The following EBF1 variants were observed in gnomAD, a reference collection of about 807,000 sequenced individuals.
The protein encoded by EBF1 is transcription factor COE1.
In EBF1, 10 loss-of-function variants were observed where a neutral mutation model predicts 68.4. That is an observed-to-expected ratio of 0.15 (90% CI 0.09 to 0.25). EBF1 has a LOEUF of 0.25. Among genes scored for constraint, EBF1 ranks in the 10% least tolerant of loss-of-function variants. EBF1 has a pLI of 1.00. For missense variants in EBF1, 509 were observed against 794.4 expected (o/e 0.64, Z 4.32); for synonymous variants, 298 against 299.8 (o/e 0.99, Z 0.06).
chr5:158,773,920 T>C (rs1002890361), intron 10 of EBF1, among the ~76,000 whole-genome samples: 1 of 152,192 alleles, frequency 6.6e-6, no homozygotes, highest in African/African-American at 2.4e-5. Flanking sequence ...TAATTCCCAC[T>C]GGACTGACCA....
At chr5:158,850,068 C>A (rs1432111437) in intron 6 of EBF1, among the ~76,000 whole-genome samples, 1 of 152,206 alleles carries the variant, frequency 6.6e-6, no homozygotes, top group Non-Finnish European at 1.5e-5. Context: ...GTGTCCTTAA[C>A]TTCCTACTTA....
At chr5:158,817,464 A>G (rs753299227) in intron 8 of EBF1, among the ~76,000 whole-genome samples, 4 of 152,136 alleles carry the variant, frequency 2.6e-5, no homozygotes, top group Non-Finnish European at 5.9e-5. Flanking sequence ...CTTCACCCAC[A>G]CTTGCTTGCC....
chr5:158,712,803 G>A (rs918119254), intron 13 of EBF1, among the ~76,000 whole-genome samples, 167 bp downstream of exon 13: 3 of 152,126 alleles, frequency 2.0e-5, no homozygotes, highest in Admixed American at 6.5e-5. Context: ...TAGATTACCC[G>A]AATGATAGCT....
At chr5:159,011,854 C>A (rs945311586) in intron 6 of EBF1, among the ~76,000 whole-genome samples, 2 of 152,164 alleles carry the variant, frequency 1.3e-5, no homozygotes, top group African/African-American at 2.4e-5. Context: ...GAAAATAAAT[C>A]TTGCGCTTTA....
chr5:158,899,758 G>A (rs1802895391), intron 6 of EBF1, among the ~76,000 whole-genome samples: 1 of 152,194 alleles, frequency 6.6e-6, no homozygotes, highest in Non-Finnish European at 1.5e-5. Flanking sequence ...AAAATGAAGA[G>A]ATATTGAATG....
At chr5:158,718,074 G>C (rs75985066) in intron 11 of EBF1, among the ~76,000 whole-genome samples, 1 of 152,318 alleles carries the variant, frequency 6.6e-6, no homozygotes, top group East Asian at 1.9e-4. Flanking sequence ...TAATAAAAAT[G>C]CTGAATGGGC....
chr5:158,951,704 CTGAT>C (rs1457366354), intron 6 of EBF1, among the ~76,000 whole-genome samples: 1 of 152,186 alleles, frequency 6.6e-6, no homozygotes, highest in African/African-American at 2.4e-5. Flanking sequence ...TGGTGATTCT[CTGAT>C]TGGGACCAAG....
intron 10 of EBF1, among the ~76,000 whole-genome samples, chr5:158,761,639 A>G (rs948160051): frequency 2.6e-5 from 4 of 152,242 alleles, no homozygotes; most frequent in Non-Finnish European, 5.9e-5. Flanking sequence ...AAAATAAAGT[A>G]AAATCATTTG....
intron 6 of EBF1, among the ~76,000 whole-genome samples, chr5:159,039,996 T>C (rs1028502559): frequency 6.6e-6 from 1 of 152,202 alleles, no homozygotes; most frequent in African/African-American, 2.4e-5. Flanking sequence ...TCAAATGTAA[T>C]ATTAACCATT....
intron 8 of EBF1, among the ~76,000 whole-genome samples, chr5:158,801,443 C>T (rs1393366820): frequency 6.6e-6 from 1 of 151,930 alleles, no homozygotes; most frequent in Admixed American, 6.6e-5. Context: ...CACATTTTAG[C>T]GTTTGTATGA....
intron 6 of EBF1, among the ~76,000 whole-genome samples, chr5:159,073,025 C>T (rs904354866): frequency 6.6e-6 from 1 of 152,208 alleles, no homozygotes; most frequent in South Asian, 2.1e-4. Context: ...ATGATTCAAA[C>T]ATTTTTCAAA....
At chr5:158,841,767 G>T (rs1379539817) in intron 6 of EBF1, among the ~76,000 whole-genome samples, 5 of 152,184 alleles carry the variant, frequency 3.3e-5, no homozygotes, top group African/African-American at 1.2e-4. Context: ...CTGCTCCTTG[G>T]TCTCTTAGAA....
intron 9 of EBF1, among the ~76,000 whole-genome samples, chr5:158,779,955 C>T (rs1776099243): frequency 6.6e-6 from 1 of 152,132 alleles, no homozygotes; most frequent in African/African-American, 2.4e-5. Flanking sequence ...TTCTAAACAA[C>T]AATCCTTCAC....
chr5:159,084,799 A>T, intron 4 of EBF1, 60 bp from the exon 5 acceptor site: 1 of 1,459,094 alleles, frequency 6.9e-7, no homozygotes, highest in Non-Finnish European at 9.2e-7. Context: ...AAAAAAAAAA[A>T]ATCACAATTG....
At chr5:159,080,451 A>G (rs1262003818) in intron 5 of EBF1, among the ~76,000 whole-genome samples, 1 of 152,230 alleles carries the variant, frequency 6.6e-6, no homozygotes. Flanking sequence ...TTTTGCACAT[A>G]GTAGGTGCTA....
chr5:158,877,091 C>G (rs549882986), intron 6 of EBF1, among the ~76,000 whole-genome samples: 1 of 152,142 alleles, frequency 6.6e-6, no homozygotes, highest in Non-Finnish European at 1.5e-5. Flanking sequence ...CCTCTATCTC[C>G]ACCAACTCCT....
At chr5:158,969,672 G>A (rs1414828574) in intron 6 of EBF1, among the ~76,000 whole-genome samples, 1 of 151,356 alleles carries the variant, frequency 6.6e-6, no homozygotes, top group Non-Finnish European at 1.5e-5. Flanking sequence ...CTACTCCAGT[G>A]GCTGAGGTGG....
intron 6 of EBF1, among the ~76,000 whole-genome samples, chr5:158,964,700 C>G (rs1753746535): frequency 6.6e-6 from 1 of 152,086 alleles, no homozygotes; most frequent in South Asian, 2.1e-4. Context: ...TGGAAGGACC[C>G]AAAACACCAA....
intron 6 of EBF1, among the ~76,000 whole-genome samples, chr5:158,935,029 G>T (rs1811668229): frequency 1.3e-5 from 2 of 152,224 alleles, no homozygotes; most frequent in African/African-American, 4.8e-5. Flanking sequence ...AGCCTAAGAT[G>T]TAACTGACTA....
Sources: gnomAD v4.1 joint callset for allele counts (sites outside exome capture counted in the v4.1 genomes callset) on GRCh38, gnomAD v4.1.1 for gene constraint, MANE v1.5 for transcripts, NCBI Gene and HGNC (gene_info 2026-07-23, HGNC 2026-07-21) for gene names.